TCF20: variants seen among roughly 807,000 people sequenced by gnomAD.
TCF20 encodes the protein transcription factor 20, also known as SPRE-binding protein.
In TCF20, 3 loss-of-function variants were observed where a neutral mutation model predicts 148.6. That is an observed-to-expected ratio of 0.02 (90% CI 0.01 to 0.05). The LOEUF is 0.05. Among genes scored for constraint, TCF20 ranks in the 10% least tolerant of loss-of-function variants. The probability of loss-of-function intolerance (pLI) is 1.00; values close to 1 mark genes in which losing one functional copy is unlikely to be tolerated. For missense variants in TCF20, 2,350 were observed against 2,429.3 expected (o/e 0.97, Z 0.69); for synonymous variants, 1,049 against 909.5 (o/e 1.15, Z -2.76).
intron 1 of TCF20, among the ~76,000 whole-genome samples, chr22:42,315,675 C>T (rs1401942750): frequency 6.6e-6 from 1 of 152,088 alleles, no homozygotes; most frequent in Non-Finnish European, 1.5e-5. Flanking sequence ...GAGGGGGGCA[C>T]ATAAGACATC....
chr22:42,174,993 C>G (rs958989578), intron 3 of TCF20, among the ~76,000 whole-genome samples: 7 of 151,522 alleles, frequency 4.6e-5, no homozygotes, highest in Non-Finnish European at 1.0e-4. Flanking sequence ...CGAGATCGCG[C>G]CACTGCACTC....
chr22:42,260,260 CAAG>C (rs1925958850), intron 1 of TCF20, among the ~76,000 whole-genome samples: 3 of 152,180 alleles, frequency 2.0e-5, no homozygotes, highest in African/African-American at 7.2e-5. Flanking sequence ...GCTTAGAGAG[CAAG>C]AAGGAGACCA....
chr22:42,174,153 G>A (rs150724442), intron 3 of TCF20, among the ~76,000 whole-genome samples: 158 of 152,184 alleles, frequency 1.0e-3, no homozygotes, highest in African/African-American at 3.7e-3. Flanking sequence ...CTGAACTTGG[G>A]TTGAGGAGGG....
intron 1 of TCF20, among the ~76,000 whole-genome samples, chr22:42,256,772 T>C (rs1925768181): frequency 2.0e-5 from 3 of 152,206 alleles, no homozygotes; most frequent in African/African-American, 7.2e-5. Flanking sequence ...ACACTGACTG[T>C]ATGTTGTGTT....
intron 1 of TCF20, among the ~76,000 whole-genome samples, chr22:42,268,526 G>GA (rs2146996854): frequency 6.6e-6 from 1 of 152,322 alleles, no homozygotes; most frequent in African/African-American, 2.4e-5. Flanking sequence ...TGAGAATGCT[G>GA]AAACTGGCTG....
intron 3 of TCF20, among the ~76,000 whole-genome samples, chr22:42,172,489 G>A (rs540611350): frequency 1.3e-5 from 2 of 152,308 alleles, no homozygotes; most frequent in East Asian, 1.9e-4. Context: ...AACAGCTTGC[G>A]AGATCATCAT....
chr22:42,167,873 C>G (rs564269913), intron 5 of TCF20, among the ~76,000 whole-genome samples: 187 of 151,906 alleles, frequency 1.2e-3, no homozygotes, highest in African/African-American at 4.3e-3. Flanking sequence ...AAGGCATGTA[C>G]CACCACGCAC....
intron 3 of TCF20, among the ~76,000 whole-genome samples, chr22:42,178,838 A>G (rs1224440892): frequency 6.6e-6 from 1 of 152,064 alleles, no homozygotes; most frequent in East Asian, 1.9e-4. Flanking sequence ...CGGCCTACAA[A>G]TAATTCTTAA....
At chr22:42,256,362 T>A (rs1259196406) in intron 1 of TCF20, among the ~76,000 whole-genome samples, 2 of 152,256 alleles carry the variant, frequency 1.3e-5, no homozygotes, top group Non-Finnish European at 2.9e-5. Flanking sequence ...AATTTTCTTT[T>A]TTCTTTTATT....
chr22:42,206,513 C>T (rs898588032), intron 2 of TCF20, among the ~76,000 whole-genome samples: 14 of 152,278 alleles, frequency 9.2e-5, no homozygotes, highest in African/African-American at 3.1e-4. Context: ...TTATTTTGAG[C>T]GCTCAAATTT....
At chr22:42,310,997 C>T (rs568947492) in intron 1 of TCF20, among the ~76,000 whole-genome samples, 2 of 152,220 alleles carry the variant, frequency 1.3e-5, no homozygotes, top group Non-Finnish European at 2.9e-5. Flanking sequence ...CAAGAAAATA[C>T]GGCCTGGAGG....
At chr22:42,196,196 CT>C (rs971693704) in intron 2 of TCF20, among the ~76,000 whole-genome samples, 2 of 152,190 alleles carry the variant, frequency 1.3e-5, no homozygotes, top group African/African-American at 2.4e-5. Context: ...ATTGGAGTGA[CT>C]TGGGGGATTT....
At chr22:42,233,131 A>C (rs1385460060) in intron 1 of TCF20, among the ~76,000 whole-genome samples, 2 of 152,136 alleles carry the variant, frequency 1.3e-5, no homozygotes, top group Non-Finnish European at 2.9e-5. Context: ...CATGTTGGCC[A>C]GACTGGTCTC....
intron 1 of TCF20, among the ~76,000 whole-genome samples, chr22:42,330,687 C>T (rs567586664): frequency 8.5e-5 from 13 of 152,326 alleles, no homozygotes; most frequent in Non-Finnish European, 1.5e-4. Flanking sequence ...ACAGGGCCAT[C>T]GGGGTGGCAG....
chr22:42,255,321 C>T (rs1287935832), intron 1 of TCF20, among the ~76,000 whole-genome samples: 1 of 151,990 alleles, frequency 6.6e-6, no homozygotes. Flanking sequence ...CCCGTCTCTA[C>T]TAAAAATACC....
At position 42,168,713 on chromosome 22, in the gene TCF20, G is replaced by C. The variant is rs371360841; in HGVS notation, c.5823C>G (p.Pro1941=). 253 of 1,611,406 alleles carry C rather than the reference G, an allele frequency of 1.6e-4. No homozygotes were observed. The highest frequency in any genetic ancestry group is 1.5e-3 in the Middle Eastern group (9 of 6,052). Residue 1941 remains proline (P), a synonymous_variant, in exon 5 of 6, where the codon CCC becomes CCG. Coordinates refer to ENST00000677622, the MANE Select transcript of TCF20 (RefSeq NM_001378418.1). ...KHKPPLPCPL[P]PLQNKTAKGS... is the part of the protein sequence containing the mutation. The stretch of plus-strand genomic sequence containing the variant: ...CTTTCGCGGTCTTGTTCTGCAAGGG[G>C]GGGAGAGGGCACGGAAGGGGAGGCT...
rs532120056 is a variant in TCF20, at chr22:42,196,788, C to T, written c.5655+12863G>A. On this transcript the variant is annotated intron_variant, in intron 2 of 5. Coordinates refer to ENST00000677622, the MANE Select transcript of TCF20 (RefSeq NM_001378418.1). ...CATAACAGAGATGAAATGCCTCCAC[C>T]GCTGAACAATGTCAGGGCACCCAGG... 1.7e-3 allele frequency among the ~76,000 whole-genome samples: 266 copies of T among 152,292 alleles called. 3 individuals carry two copies. The highest frequency in any genetic ancestry group is 4.9e-3 in the African/African-American group (202 of 41,564).
chr22:42,194,434 C>CT (rs1220448760), intron 2 of TCF20, among the ~76,000 whole-genome samples: 1 of 152,236 alleles, frequency 6.6e-6, no homozygotes, highest in African/African-American at 2.4e-5. Context: ...GATACAGATA[C>CT]TATCAACAAC....
chr22:42,239,626 A>G (rs189892230), intron 1 of TCF20, among the ~76,000 whole-genome samples: 2,062 of 151,994 alleles, frequency 0.014, 27 homozygotes, highest in South Asian at 0.028. Context: ...CACCTCTACT[A>G]AAAATAAAAA....
Sources: allele counts gnomAD v4.1 joint callset (sites outside exome capture counted in the v4.1 genomes callset), GRCh38; gene constraint gnomAD v4.1.1; transcripts MANE v1.5; gene names NCBI Gene and HGNC (gene_info 2026-07-23, HGNC 2026-07-21).